The following INTS13 variants were observed in gnomAD, a reference collection of about 807,000 sequenced individuals.
INTS13 encodes the protein integrator complex subunit 13.
INTS13 carries 35 observed loss-of-function variants against 90.2 expected under a neutral mutation model. That is an observed-to-expected ratio of 0.39 (90% confidence interval 0.30 to 0.51). The LOEUF (loss-of-function observed/expected upper bound fraction) is 0.51. Among genes scored for constraint, INTS13 ranks in the 20% least tolerant of loss-of-function variants. The pLI is 0.80. For missense variants in INTS13, 601 were observed against 851.2 expected, an observed-to-expected ratio of 0.71 and a Z score of 3.66; for synonymous variants, 309 against 277.1, an observed-to-expected ratio of 1.11 and a Z score of -1.14.
intron 3 of INTS13, 102 bp downstream of exon 3, chr12:26,934,454 T>C (rs1938356603): frequency 2.4e-6 from 2 of 847,950 alleles, no homozygotes; most frequent in South Asian, 1.6e-5. Context: ...TTTAACACTA[T>C]ATGCAAATCC....
At chr12:26,913,086 G>T (rs1951832227) in intron 14 of INTS13, among the ~76,000 whole-genome samples, 1 of 152,038 alleles carries the variant, frequency 6.6e-6, no homozygotes, top group African/African-American at 2.4e-5. Context: ...TCAAGGGTAG[G>T]GATCTTGTGC....
intron 3 of INTS13, among the ~76,000 whole-genome samples, chr12:26,933,145 G>C (rs1938289027): frequency 6.6e-6 from 1 of 152,142 alleles, no homozygotes; most frequent in Non-Finnish European, 1.5e-5. Flanking sequence ...ATCAAATAGA[G>C]AGTTCTATAC....
At chr12:26,916,410 A>G (rs545536257) in intron 10 of INTS13, among the ~76,000 whole-genome samples, 1 of 152,324 alleles carries the variant, frequency 6.6e-6, no homozygotes, top group South Asian at 2.1e-4. Flanking sequence ...CACAACAACT[A>G]TAGTGGTCTC....
chr12:26,933,478 T>C (rs1326872885), intron 3 of INTS13, among the ~76,000 whole-genome samples: 1 of 152,176 alleles, frequency 6.6e-6, no homozygotes, highest in Admixed American at 6.5e-5. Flanking sequence ...CATAATTTTG[T>C]GGAGTATATA....
At chr12:26,926,598 A>G (rs1199791647) in intron 5 of INTS13, among the ~76,000 whole-genome samples, 4 of 152,120 alleles carry the variant, frequency 2.6e-5, no homozygotes, top group Admixed American at 2.6e-4. Flanking sequence ...ACATGTCTTT[A>G]CTAGCTGTGA....
intron 3 of INTS13, among the ~76,000 whole-genome samples, chr12:26,933,088 G>A (rs888968240): frequency 1.8e-4 from 28 of 152,090 alleles, no homozygotes; most frequent in Admixed American, 1.2e-3. Context: ...GACAAAAACA[G>A]ACATAGTTAA....
intron 6 of INTS13, among the ~76,000 whole-genome samples, 171 bp from the exon 7 acceptor site, chr12:26,924,654 T>C (rs968443962): frequency 5.9e-5 from 9 of 152,212 alleles, no homozygotes; most frequent in African/African-American, 2.2e-4. Context: ...TACATTTTCA[T>C]GCATTCATTC....
intron 6 of INTS13, among the ~76,000 whole-genome samples, chr12:26,925,337 A>T (rs567276907): frequency 1.3e-5 from 2 of 152,258 alleles, no homozygotes; most frequent in East Asian, 3.9e-4. Flanking sequence ...ATTCAAATTT[A>T]TTTAAAAAGT....
Position 26,916,200 on chromosome 12 carries a change from A to G in INTS13, c.1070-20T>C, listed in dbSNP as rs1565822580. 6.3e-7 allele frequency: 1 copy of G among 1,579,206 alleles called. No individual in the cohort carries two copies. Among genetic ancestry groups the G allele is most frequent in the South Asian group, 1.1e-5 (1 of 87,006 alleles). ...AACGACCTGTCAAAAACAAGATTAC[A>G]CTATCAGTAATGAAACTCAAATGGG... is the stretch of plus-strand genomic sequence containing the variant. On this transcript the variant is annotated intron_variant, in intron 10 of 16. Coordinates refer to ENST00000261191, the MANE Select transcript of INTS13 (RefSeq NM_018164.3).
In INTS13 at chr12:26,922,284, C is replaced by T. The variant is rs187728435; in HGVS notation, c.889+332G>A. ...TTATCATCTCACATCATCCCAAAAA[C>T]GATGAGTACAGTACAATAAGATATT... On this transcript the variant is annotated intron_variant, in intron 8 of 16. Transcript: ENST00000261191. Among the ~76,000 whole-genome samples, 80 of 152,236 alleles carry T rather than the reference C, an allele frequency of 5.3e-4. No homozygotes were observed. The South Asian group carries it at 7.5e-3, about 14-fold the overall frequency.
chr12:26,934,719 T>G, intron 2 of INTS13, 89 bp from the exon 3 acceptor site: 1 of 929,808 alleles, frequency 1.1e-6, no homozygotes, highest in South Asian at 1.4e-5. Flanking sequence ...TTTGTAACAC[T>G]GTTTCACTGA....
At chr12:26,920,439 G>A (rs1353961037) in intron 8 of INTS13, among the ~76,000 whole-genome samples, 1 of 148,104 alleles carries the variant, frequency 6.8e-6, no homozygotes, top group Non-Finnish European at 1.5e-5. Context: ...TCGCTCTGTC[G>A]CCAGGCTGGA....
At chr12:26,931,422 C>CAACA (rs1938183819) in intron 3 of INTS13, among the ~76,000 whole-genome samples, 1 of 150,612 alleles carries the variant, frequency 6.6e-6, no homozygotes, top group Non-Finnish European at 1.5e-5. Flanking sequence ...CCAGCCTGGG[C>CAACA]AACAGAGCGA....
intron 16 of INTS13, 53 bp from the exon 17 acceptor site, chr12:26,905,589 T>C: frequency 1.3e-6 from 2 of 1,496,352 alleles, no homozygotes; most frequent in Middle Eastern, 1.8e-4. Flanking sequence ...ATTAACATTT[T>C]GTCTCCTTAT....
In INTS13 at chr12:26,917,750, G is replaced by C; in HGVS notation, c.890-17C>G. ...GCGAATCACCTTTAAAAATATGTCA[G>C]AGACATTACACATTGTATACATGTA... is the stretch of plus-strand genomic sequence containing the variant. On this transcript the variant is annotated splice_polypyrimidine_tract_variant and intron_variant, in intron 8 of 16. Transcript: ENST00000261191. 6.4e-7 allele frequency: 1 copy of C among 1,562,804 alleles called. No homozygotes were observed. The highest frequency in any genetic ancestry group is 2.3e-5 in the East Asian group (1 of 43,720).
intron 15 of INTS13, among the ~76,000 whole-genome samples, chr12:26,909,470 C>T (rs1177442821): frequency 8.0e-6 from 1 of 125,234 alleles, no homozygotes; most frequent in Non-Finnish European, 1.7e-5. Context: ...ATAGATAATA[C>T]TCTTTTTTTT....
chr12:26,912,228 G>A (rs1951797898), intron 14 of INTS13, among the ~76,000 whole-genome samples: 1 of 152,168 alleles, frequency 6.6e-6, no homozygotes, highest in Admixed American at 6.5e-5. Flanking sequence ...CTGAGGTCAG[G>A]AGATCGAGAC....
At chr12:26,936,901 C>T in intron 1 of INTS13, 87 bp from the exon 2 acceptor site, 1 of 861,412 alleles carries the variant, frequency 1.2e-6, no homozygotes, top group Non-Finnish European at 1.8e-6. Flanking sequence ...GTCTTTCCCT[C>T]AAGAAGACTT....
intron 8 of INTS13, among the ~76,000 whole-genome samples, chr12:26,920,021 G>A (rs1388832866): frequency 6.6e-6 from 1 of 151,906 alleles, no homozygotes; most frequent in African/African-American, 2.4e-5. Context: ...CCAACTACTC[G>A]GGAGGCTGAG....
Sources: gnomAD v4.1 joint callset for allele counts (sites outside exome capture counted in the v4.1 genomes callset) on GRCh38, gnomAD v4.1.1 for gene constraint, MANE v1.5 for transcripts, NCBI Gene and HGNC (gene_info 2026-07-23, HGNC 2026-07-21) for gene names.